Variants in FANCA observed in about 807,000 individuals in gnomAD.
FANCA encodes the protein FA complementation group A.
FANCA carries 236 observed loss-of-function variants against 194.3 expected under a neutral mutation model. The ratio of observed to expected loss-of-function variants is 1.21; its 90% CI spans 1.09 to 1.35. FANCA has a LOEUF of 1.35. FANCA is among the 40% of genes most tolerant of loss of function. The pLI is 0.00. For missense variants in FANCA, 2,628 were observed against 1,813.9 expected (o/e 1.45, Z -8.15); for synonymous variants, 1,014 against 715.8 (o/e 1.42, Z -6.65).
intron 11 of FANCA, 43 bp downstream of exon 11, chr16:89,795,863 C>A: frequency 1.4e-6 from 2 of 1,462,732 alleles, no homozygotes; most frequent in Non-Finnish European, 1.9e-6. Flanking sequence ...AACAGCAATC[C>A]CCAAAATGGG....
intron 32 of FANCA, 149 bp from the exon 33 acceptor site, chr16:89,748,916 C>T: frequency 1.4e-6 from 1 of 711,846 alleles, no homozygotes; most frequent in Non-Finnish European, 2.5e-6. Context: ...TCTGTCCCAT[C>T]CAAAGCCTGC....
chr16:89,782,017 A>G (rs1025789341), intron 17 of FANCA, among the ~76,000 whole-genome samples: 10 of 151,982 alleles, frequency 6.6e-5, no homozygotes, highest in African/African-American at 9.7e-5. Flanking sequence ...AAAAAAAAAA[A>G]AGAATGTTTT....
chr16:89,774,188 G>T (rs770689512), intron 21 of FANCA, among the ~76,000 whole-genome samples: 1 of 152,158 alleles, frequency 6.6e-6, no homozygotes, highest in East Asian at 1.9e-4. Context: ...CACAGCCACA[G>T]CCAAAATGAA....
At position 89,778,997 on chromosome 16, in the gene FANCA, G is replaced by C; in HGVS notation, c.1722C>G (p.Phe574Leu). The C allele has an allele frequency of 6.2e-7, 1 of 1,613,478 alleles. No homozygotes were observed. The highest frequency in any genetic ancestry group is 8.5e-7 in the Non-Finnish European group (1 of 1,179,998). ...IPVTVMEASI[F>L]RRPYYVSHFL... is the part of the protein sequence containing the mutation. ...AGTGGGACACGTAGTAAGGCCTCCTGAATATGCTGCAACACAGAGAAGCAG... is the reference window on the plus strand; with the variant it reads ...AGTGGGACACGTAGTAAGGCCTCCTCAATATGCTGCAACACAGAGAAGCAG... Residue 574 changes from phenylalanine to leucine, a missense_variant, in exon 19 of 43, where the codon TTC becomes TTG. Coordinates refer to ENST00000389301, the MANE Select transcript of FANCA (RefSeq NM_000135.4).
intron 35 of FANCA, 128 bp from the exon 36 acceptor site, chr16:89,745,199 A>G: frequency 5.9e-6 from 5 of 846,472 alleles, no homozygotes; most frequent in Non-Finnish European, 9.6e-6. Context: ...GCGCTCTGGA[A>G]CTCCAAAGCC....
intron 13 of FANCA, 53 bp downstream of exon 13, chr16:89,791,874 A>AC (rs1385800911): frequency 1.1e-5 from 17 of 1,610,178 alleles, no homozygotes; most frequent in African/African-American, 4.0e-5. Flanking sequence ...CTCTGCTGAC[A>AC]CCCCCCTACA....
intron 18 of FANCA, among the ~76,000 whole-genome samples, chr16:89,779,249 G>A (rs2039620501): frequency 6.6e-6 from 1 of 152,112 alleles, no homozygotes; most frequent in African/African-American, 2.4e-5. Flanking sequence ...CGTGGAGCCT[G>A]GATCAATCTG....
chr16:89,806,845 G>A (rs190312643), intron 6 of FANCA, among the ~76,000 whole-genome samples: 45 of 152,192 alleles, frequency 3.0e-4, no homozygotes, highest in Non-Finnish European at 8.8e-5. Flanking sequence ...ATCATGGCCC[G>A]TTCTCAATGA....
intron 7 of FANCA, 53 bp from the exon 8 acceptor site, chr16:89,803,394 C>T: frequency 6.6e-7 from 1 of 1,505,118 alleles, no homozygotes; most frequent in Admixed American, 1.7e-5. Flanking sequence ...CTCCAAGCAA[C>T]TGTGAATGGC....
At chr16:89,763,392 G>A (rs993757698) in intron 28 of FANCA, among the ~76,000 whole-genome samples, 7 of 151,952 alleles carry the variant, frequency 4.6e-5, no homozygotes, top group South Asian at 2.1e-4. Flanking sequence ...GGGCTTCATC[G>A]TGTTACCCAG....
intron 32 of FANCA, among the ~76,000 whole-genome samples, chr16:89,749,187 G>A (rs968145598): frequency 2.6e-5 from 4 of 152,088 alleles, no homozygotes; most frequent in Admixed American, 1.3e-4. Flanking sequence ...CTCCTTCTGC[G>A]ACGTCCCTCC....
chr16:89,812,295 G>A (rs1468545948), intron 3 of FANCA, among the ~76,000 whole-genome samples: 2 of 150,248 alleles, frequency 1.3e-5, no homozygotes, highest in Non-Finnish European at 1.5e-5. Context: ...CCGAGATCAC[G>A]CCACTACACT....
In FANCA at chr16:89,762,023, CTG is replaced by C; in HGVS notation, c.2779-3_2779-2del. The C allele has an allele frequency of 6.2e-7, 1 of 1,612,752 alleles. No individual in the cohort carries two copies. The highest frequency in any genetic ancestry group is 8.5e-7 in the Non-Finnish European group (1 of 1,178,748). ...GGTGTAACCAGTCTTGGTAAGTTAA[CTG>C]AGAAAGAGAGCAAGCAATTCAATAC... is the stretch of plus-strand genomic sequence containing the variant. On this transcript the variant is annotated splice_acceptor_variant and splice_polypyrimidine_tract_variant and intron_variant, in intron 28 of 42. Transcript: ENST00000389301. LOFTEE classifies it high-confidence loss of function.
chr16:89,801,106 G>C (rs1157757186), intron 8 of FANCA, among the ~76,000 whole-genome samples: 1 of 150,610 alleles, frequency 6.6e-6, no homozygotes, highest in Non-Finnish European at 1.5e-5. Context: ...AACACTTTGA[G>C]AGGCCAAGGT....
intron 30 of FANCA, among the ~76,000 whole-genome samples, chr16:89,756,622 AATAAAT>A: frequency 6.6e-6 from 1 of 152,214 alleles, no homozygotes; most frequent in Non-Finnish European, 1.5e-5. Flanking sequence ...CCAGTTTCAA[AATAAAT>A]ATAAATAAGA....
chr16:89,781,803 T>C (rs1490294589), intron 17 of FANCA, among the ~76,000 whole-genome samples: 1 of 150,412 alleles, frequency 6.6e-6, no homozygotes, highest in East Asian at 2.0e-4. Flanking sequence ...ATCGAGACCA[T>C]ACTGGCTAAC....
At chr16:89,780,038 TG>T in intron 17 of FANCA, 81 bp from the exon 18 acceptor site, 1 of 1,234,860 alleles carries the variant, frequency 8.1e-7, no homozygotes. Context: ...ACACTCAACC[TG>T]TGCTTCCTTG....
At chr16:89,793,226 C>A (rs976919895) in intron 11 of FANCA, among the ~76,000 whole-genome samples, 1 of 152,052 alleles carries the variant, frequency 6.6e-6, no homozygotes, top group South Asian at 2.1e-4. Flanking sequence ...CTTTTGCTAC[C>A]GCTGGACCAC....
intron 14 of FANCA, among the ~76,000 whole-genome samples, chr16:89,786,012 G>A (rs1449474648): frequency 8.7e-6 from 1 of 114,716 alleles, no homozygotes; most frequent in African/African-American, 3.8e-5. Context: ...ACCACTCCCA[G>A]CTATTTTTTT....
Sources: gnomAD v4.1 joint callset for allele counts (sites outside exome capture counted in the v4.1 genomes callset) on GRCh38, gnomAD v4.1.1 for gene constraint, MANE v1.5 for transcripts, NCBI Gene and HGNC (gene_info 2026-07-23, HGNC 2026-07-21) for gene names.